The following OTOGL variants were observed in gnomAD, a reference collection of about 807,000 sequenced individuals.
OTOGL encodes otogelin-like protein.
In OTOGL, 285 loss-of-function variants were observed where a neutral mutation model predicts 318.5. The ratio of observed to expected loss-of-function variants is 0.89; its 90% CI spans 0.81 to 0.99. OTOGL has a LOEUF of 0.99. Ranked by LOEUF, OTOGL falls within the 50% of genes least tolerant of loss-of-function variation. OTOGL has a pLI of 0.00. For synonymous variants in OTOGL, 987 were observed against 936.5 expected, an observed-to-expected ratio of 1.05 and a Z score of -0.99; for missense variants, 2,899 against 2,845.6, an observed-to-expected ratio of 1.02 and a Z score of -0.43.
At chr12:80,365,005 C>T (rs1890441941) in intron 52 of OTOGL, among the ~76,000 whole-genome samples, 1 of 151,980 alleles carries the variant, frequency 6.6e-6, no homozygotes, top group Non-Finnish European at 1.5e-5. Context: ...CAAAAAATAA[C>T]ACATTTACAA....
At chr12:80,271,839 T>C (rs773114978) in intron 24 of OTOGL, 29 bp downstream of exon 24, 4 of 1,584,810 alleles carry the variant, frequency 2.5e-6, no homozygotes, top group Non-Finnish European at 3.4e-6. Context: ...ATACAGAACA[T>C]TCAGGATTTG....
At chr12:80,377,453 A>G (rs1891229960) in intron 58 of OTOGL, among the ~76,000 whole-genome samples, 1 of 152,182 alleles carries the variant, frequency 6.6e-6, no homozygotes, top group African/African-American at 2.4e-5. Flanking sequence ...ATTTGACTAC[A>G]TGTTGTCTTC....
intron 1 of OTOGL, among the ~76,000 whole-genome samples, chr12:80,189,710 G>T (rs1349776281): frequency 6.6e-6 from 1 of 152,172 alleles, no homozygotes; most frequent in Non-Finnish European, 1.5e-5. Flanking sequence ...ATCGAAATAT[G>T]CAGGCTAAGT....
chr12:80,314,213 G>A (rs1886829039), intron 31 of OTOGL, 92 bp from the exon 32 acceptor site: 3 of 379,256 alleles, frequency 7.9e-6, no homozygotes, highest in Non-Finnish European at 1.4e-5. Flanking sequence ...CTTTCACATA[G>A]TTATTGATAA....
intron 52 of OTOGL, among the ~76,000 whole-genome samples, chr12:80,362,399 G>C (rs1890291524): frequency 6.6e-6 from 1 of 152,098 alleles, no homozygotes; most frequent in Non-Finnish European, 1.5e-5. Flanking sequence ...AGTACATTTT[G>C]AAGTCAGGTA....
At chr12:80,239,307 A>G (rs1211209105) in intron 10 of OTOGL, 26 bp from the exon 11 acceptor site, 1 of 1,491,094 alleles carries the variant, frequency 6.7e-7, no homozygotes, top group African/African-American at 1.4e-5. Context: ...AACATAGTCT[A>G]GTGACTGCCA....
In OTOGL at chr12:80,377,184, C is replaced by T. The variant is rs747066476; in HGVS notation, c.6843C>T (p.Asp2281=). Residue 2281 remains aspartate (D), a synonymous_variant, in exon 58 of 59, where the codon GAC becomes GAT. Transcript: ENST00000547103. ...TTAAATCGGTCATAAGGAAACAGGA[C>T]TGTATGAGCCAAAGCCCTGTAAGTG... The part of the protein sequence containing the change: ...VIIKSVIRKQ[D]CMSQSPINVA... 2 of 1,605,958 alleles carry T rather than the reference C, an allele frequency of 1.2e-6. No homozygotes were observed. The highest frequency in any genetic ancestry group is 1.7e-5 in the Admixed American group (1 of 59,174).
intron 1 of OTOGL, among the ~76,000 whole-genome samples, chr12:80,123,348 A>G (rs568498892): frequency 6.6e-6 from 1 of 152,258 alleles, no homozygotes; most frequent in Non-Finnish European, 1.5e-5. Flanking sequence ...CCATGTTTGT[A>G]CAAAGGACAT....
chr12:80,112,028 T>C (rs1869871853), intron 1 of OTOGL, among the ~76,000 whole-genome samples: 1 of 152,216 alleles, frequency 6.6e-6, no homozygotes, highest in African/African-American at 2.4e-5. Context: ...GGGAGTTTGC[T>C]CATTATTTGG....
At chr12:80,124,490 CT>C (rs1433572642) in intron 1 of OTOGL, among the ~76,000 whole-genome samples, 1 of 152,118 alleles carries the variant, frequency 6.6e-6, no homozygotes, top group African/African-American at 2.4e-5. Context: ...CAGCTTTGTT[CT>C]TTTGGCTTAG....
intron 30 of OTOGL, 98 bp from the exon 31 acceptor site, chr12:80,313,378 A>T: frequency 1.7e-6 from 2 of 1,179,964 alleles, no homozygotes; most frequent in Non-Finnish European, 1.2e-6. Context: ...TTAAGCTGAT[A>T]ATATCAAACT....
chr12:80,167,107 TC>T (rs1156367570), intron 1 of OTOGL, among the ~76,000 whole-genome samples: 5 of 152,300 alleles, frequency 3.3e-5, no homozygotes, highest in African/African-American at 1.2e-4. Context: ...TTTTTTGGCA[TC>T]CCTTTAAACT....
At chr12:80,141,290 A>G (rs1047932040) in intron 1 of OTOGL, among the ~76,000 whole-genome samples, 3 of 152,142 alleles carry the variant, frequency 2.0e-5, no homozygotes. Context: ...TCATTTGTGT[A>G]ACTTTAATAT....
At chr12:80,249,384 G>C (rs1365821314) in intron 11 of OTOGL, among the ~76,000 whole-genome samples, 1 of 151,314 alleles carries the variant, frequency 6.6e-6, no homozygotes, top group Admixed American at 6.6e-5. Context: ...CCTTCTAACA[G>C]ACAGGACCCT....
intron 19 of OTOGL, among the ~76,000 whole-genome samples, chr12:80,263,645 A>G (rs1053263858): frequency 3.9e-5 from 6 of 152,212 alleles, no homozygotes; most frequent in African/African-American, 1.4e-4. Flanking sequence ...ATGCATACAT[A>G]TATTTGATAT....
intron 36 of OTOGL, 69 bp from the exon 37 acceptor site, chr12:80,328,982 T>C: frequency 1.5e-6 from 2 of 1,375,672 alleles, no homozygotes; most frequent in Non-Finnish European, 1.0e-6. Flanking sequence ...TAAAGAGTCC[T>C]CTATGAAATA....
At chr12:80,374,164 A>C (rs150720592) in intron 57 of OTOGL, among the ~76,000 whole-genome samples, 49 of 152,264 alleles carry the variant, frequency 3.2e-4, no homozygotes, top group African/African-American at 1.2e-3. Flanking sequence ...TGGAGGTATT[A>C]TGAGAGAGAG....
At chr12:80,371,656 T>C (rs1254632934) in intron 56 of OTOGL, among the ~76,000 whole-genome samples, 3 of 152,130 alleles carry the variant, frequency 2.0e-5, no homozygotes, top group Non-Finnish European at 2.9e-5. Flanking sequence ...TCAAGTCAAA[T>C]GGAAGTAGTT....
At chr12:80,372,397 T>C (rs1034652378) in intron 57 of OTOGL, among the ~76,000 whole-genome samples, 3 of 152,104 alleles carry the variant, frequency 2.0e-5, no homozygotes, top group African/African-American at 7.2e-5. Flanking sequence ...AAGATTTCAG[T>C]ATATTTAAAA....
Sources: gnomAD v4.1 joint callset for allele counts (sites outside exome capture counted in the v4.1 genomes callset) on GRCh38, gnomAD v4.1.1 for gene constraint, MANE v1.5 for transcripts, NCBI Gene and HGNC (gene_info 2026-07-23, HGNC 2026-07-21) for gene names.